Variants in NAALADL2 observed in about 807,000 individuals in gnomAD.
NAALADL2 encodes inactive N-acetylated-alpha-linked acidic dipeptidase-like protein 2.
NAALADL2 carries 76 observed loss-of-function variants against 87.2 expected under a neutral mutation model. The ratio of observed to expected loss-of-function variants is 0.87; its 90% CI spans 0.72 to 1.05. The LOEUF is 1.05. NAALADL2 is among the 50% of genes least tolerant of loss of function. The pLI is 0.00. For synonymous variants in NAALADL2, 354 were observed against 331.0 expected (o/e 1.07, Z -0.75); for missense variants, 1,089 against 945.8 (o/e 1.15, Z -1.99).
At chr3:175,256,370 C>T in intron 3 of NAALADL2, 41 bp from the exon 4 acceptor site, 4 of 1,568,122 alleles carry the variant, frequency 2.6e-6, no homozygotes, top group Non-Finnish European at 2.6e-6. Context: ...ATACTTCTTC[C>T]TCTGAGGCTT....
chr3:175,392,941 G>A (rs1371768493), intron 5 of NAALADL2, among the ~76,000 whole-genome samples: 1 of 152,116 alleles, frequency 6.6e-6, no homozygotes, highest in East Asian at 1.9e-4. Context: ...AAAATCTTTT[G>A]AACTAAGGAA....
At chr3:175,517,417 T>G (rs1732000187) in intron 9 of NAALADL2, among the ~76,000 whole-genome samples, 1 of 152,168 alleles carries the variant, frequency 6.6e-6, no homozygotes, top group Non-Finnish European at 1.5e-5. Context: ...ATTTAGAAAA[T>G]ATTTTTTCTT....
At chr3:175,281,398 C>T (rs1451542844) in intron 4 of NAALADL2, among the ~76,000 whole-genome samples, 3 of 151,760 alleles carry the variant, frequency 2.0e-5, no homozygotes, top group Non-Finnish European at 4.4e-5. Context: ...CTCACTTTTT[C>T]ATATCATTCG....
At chr3:175,280,914 C>T (rs1329792192) in intron 4 of NAALADL2, among the ~76,000 whole-genome samples, 1 of 151,904 alleles carries the variant, frequency 6.6e-6, no homozygotes, top group East Asian at 1.9e-4. Flanking sequence ...CAATTTTAAT[C>T]TGTTTTCTTT....
chr3:175,670,027 T>G (rs1370337659), intron 11 of NAALADL2, among the ~76,000 whole-genome samples: 2 of 152,064 alleles, frequency 1.3e-5, no homozygotes, highest in African/African-American at 2.4e-5. Flanking sequence ...ATGTAGAGCT[T>G]ACTGAATATC....
At chr3:174,904,535 C>T (rs1377122671) in intron 1 of NAALADL2, among the ~76,000 whole-genome samples, 2 of 151,522 alleles carry the variant, frequency 1.3e-5, no homozygotes. Flanking sequence ...GCTAATTGCA[C>T]AGAAAGTCTA....
chr3:175,264,676 CTT>C (rs1336908051), intron 4 of NAALADL2, among the ~76,000 whole-genome samples: 2 of 151,518 alleles, frequency 1.3e-5, no homozygotes, highest in East Asian at 1.9e-4. Context: ...ATAAATATAA[CTT>C]GACTTTAAAT....
intron 9 of NAALADL2, among the ~76,000 whole-genome samples, chr3:175,562,357 A>G (rs1231983256): frequency 2.0e-5 from 3 of 152,174 alleles, no homozygotes; most frequent in African/African-American, 7.2e-5. Flanking sequence ...TAGAACTACA[A>G]TAAGTATTGT....
chr3:174,978,189 A>C (rs1424025254), intron 1 of NAALADL2, among the ~76,000 whole-genome samples: 1 of 152,218 alleles, frequency 6.6e-6, no homozygotes, highest in Non-Finnish European at 1.5e-5. Context: ...CACTATGCCA[A>C]CCTAGGCCTT....
chr3:175,694,211 AG>A (rs1312574604), intron 11 of NAALADL2, among the ~76,000 whole-genome samples: 1 of 152,192 alleles, frequency 6.6e-6, no homozygotes, highest in Non-Finnish European at 1.5e-5. Flanking sequence ...ATATTATTAA[AG>A]CTTACTAAAA....
chr3:174,731,848 A>G (rs1732731870), intron 2 of NAALADL2, among the ~76,000 whole-genome samples: 1 of 152,126 alleles, frequency 6.6e-6, no homozygotes, highest in Non-Finnish European at 1.5e-5. Context: ...AAAATCTGGG[A>G]CCCACACTGG....
At chr3:175,793,590 C>T (rs1260326925) in intron 13 of NAALADL2, among the ~76,000 whole-genome samples, 2 of 152,048 alleles carry the variant, frequency 1.3e-5, no homozygotes, top group Non-Finnish European at 2.9e-5. Flanking sequence ...GCTGGGATTA[C>T]AGGCGTGAGC....
intron 2 of NAALADL2, among the ~76,000 whole-genome samples, chr3:174,640,973 G>A (rs1367432748): frequency 1.3e-5 from 2 of 152,188 alleles, no homozygotes; most frequent in Admixed American, 6.5e-5. Context: ...AGCAGAGACC[G>A]TTCCTTCCCC....
chr3:175,222,186 C>T (rs1743489193), intron 2 of NAALADL2, among the ~76,000 whole-genome samples: 1 of 152,106 alleles, frequency 6.6e-6, no homozygotes, highest in Non-Finnish European at 1.5e-5. Context: ...GATGGTTTTG[C>T]CAGATTCTCC....
intron 2 of NAALADL2, among the ~76,000 whole-genome samples, chr3:175,214,763 G>A (rs1339244810): frequency 1.3e-5 from 2 of 152,120 alleles, no homozygotes; most frequent in African/African-American, 2.4e-5. Context: ...TTAACAAAAT[G>A]TAGTTAATAA....
intron 2 of NAALADL2, among the ~76,000 whole-genome samples, chr3:175,197,691 A>T (rs1323097554): frequency 2.0e-5 from 3 of 152,076 alleles, no homozygotes; most frequent in Non-Finnish European, 2.9e-5. Flanking sequence ...TCTTATCAAC[A>T]TCAGAAACAT....
chr3:174,865,946 A>G (rs1727089664), intron 1 of NAALADL2, among the ~76,000 whole-genome samples: 1 of 151,934 alleles, frequency 6.6e-6, no homozygotes, highest in Non-Finnish European at 1.5e-5. Context: ...AAATAAACAT[A>G]ATAGAGATAA....
intron 2 of NAALADL2, among the ~76,000 whole-genome samples, chr3:174,672,017 C>T (rs62284747): frequency 0.082 from 12,464 of 151,784 alleles, 732 homozygotes; most frequent in South Asian, 0.27. Context: ...ATAAGTATTT[C>T]TGAGTAATGT....
intron 4 of NAALADL2, among the ~76,000 whole-genome samples, chr3:175,276,636 A>G (rs574424556): frequency 2.6e-5 from 4 of 152,286 alleles, no homozygotes; most frequent in African/African-American, 9.6e-5. Context: ...AGCTTTCAGC[A>G]GCTTATGGCA....
Sources: allele counts gnomAD v4.1 joint callset (sites outside exome capture counted in the v4.1 genomes callset), GRCh38; gene constraint gnomAD v4.1.1; transcripts MANE v1.5; gene names NCBI Gene and HGNC (gene_info 2026-07-23, HGNC 2026-07-21).